The following COBL variants were observed in gnomAD, a reference collection of about 807,000 sequenced individuals.
COBL encodes the protein cordon-bleu WH2 repeat protein, also known as protein cordon-bleu.
A neutral mutation model predicts 98.8 loss-of-function variants in COBL; 51 were observed. The ratio of observed to expected loss-of-function variants is 0.52; its 90% CI spans 0.41 to 0.65. COBL has a LOEUF of 0.65. Among genes scored for constraint, COBL ranks in the 30% least tolerant of loss-of-function variants. The pLI is 0.00. For synonymous variants in COBL, 634 were observed against 651.7 expected (o/e 0.97, Z 0.41); for missense variants, 1,617 against 1,617.5 (o/e 1.00, Z 0.01).
chr7:51,018,663 C>T (rs558814990), intron 12 of COBL, among the ~76,000 whole-genome samples: 114 of 151,610 alleles, frequency 7.5e-4, no homozygotes, highest in African/African-American at 2.5e-3. Context: ...GAGGCCAAGG[C>T]GGGCAGATCA....
intron 8 of COBL, chr7:51,034,912 G>A (rs1273902411): frequency 1.3e-5 from 2 of 152,240 alleles, no homozygotes. Flanking sequence ...CAGGCTGCAT[G>A]TGTTGAATAA....
At chr7:51,070,573 A>G (rs1394643636) in intron 7 of COBL, among the ~76,000 whole-genome samples, 3 of 152,152 alleles carry the variant, frequency 2.0e-5, no homozygotes, top group Non-Finnish European at 2.9e-5. Context: ...TGGAAGATGC[A>G]CTCTTATCCC....
intron 7 of COBL, among the ~76,000 whole-genome samples, chr7:51,062,868 G>T (rs180968263): frequency 6.6e-6 from 1 of 152,256 alleles, no homozygotes; most frequent in East Asian, 1.9e-4. Context: ...CGTGGAGAGC[G>T]CTGGGGCACA....
intron 5 of COBL, among the ~76,000 whole-genome samples, chr7:51,140,264 T>A (rs557178040): frequency 6.6e-6 from 1 of 152,244 alleles, no homozygotes; most frequent in Admixed American, 6.5e-5. Context: ...CAATGGATAG[T>A]CGAATTCAAT....
At chr7:51,030,382 T>C (rs1437157518) in intron 9 of COBL, among the ~76,000 whole-genome samples, 2 of 152,210 alleles carry the variant, frequency 1.3e-5, no homozygotes, top group Non-Finnish European at 2.9e-5. Context: ...ATAATAGCAG[T>C]GCCATGAGAT....
intron 1 of COBL, among the ~76,000 whole-genome samples, chr7:51,292,437 G>C (rs1393274519): frequency 6.6e-6 from 1 of 152,154 alleles, no homozygotes; most frequent in Non-Finnish European, 1.5e-5. Context: ...GACTGATAAA[G>C]ACATTAAAAA....
chr7:51,133,780 C>T (rs1431933680), intron 6 of COBL, among the ~76,000 whole-genome samples: 2 of 152,124 alleles, frequency 1.3e-5, no homozygotes, highest in African/African-American at 4.8e-5. Context: ...CAAAAAATAC[C>T]TTTAGAAATA....
rs140607986 is a variant in COBL at position 51,229,829 on chromosome 7, G to A, written c.42-9885C>T. 2.1e-3 allele frequency among the ~76,000 whole-genome samples: 313 copies of A among 152,208 alleles called. 1 individual carries two copies. The highest frequency in any genetic ancestry group is 7.1e-3 in the African/African-American group (293 of 41,540). ...CATTGTCCCAGGACTACAAAGACAC[G>A]GCCAAACTGCTCAATATGTGCAGAT... On this transcript the variant is annotated intron_variant, in intron 1 of 12. Coordinates refer to ENST00000265136, the MANE Select transcript of COBL (RefSeq NM_015198.5).
intron 1 of COBL, among the ~76,000 whole-genome samples, chr7:51,234,538 G>A (rs578139971): frequency 1.1e-4 from 16 of 151,966 alleles, no homozygotes; most frequent in South Asian, 2.1e-4. Context: ...CCCTCTCTAC[G>A]AAAAATACAA....
chr7:51,021,268 T>C (rs1452771974), intron 12 of COBL: 1 of 152,224 alleles, frequency 6.6e-6, no homozygotes, highest in Non-Finnish European at 1.5e-5. Flanking sequence ...CCCCTGAATT[T>C]ATTGTATTTT....
At chr7:51,313,703 G>A (rs1346818096) in intron 1 of COBL, among the ~76,000 whole-genome samples, 2 of 152,220 alleles carry the variant, frequency 1.3e-5, no homozygotes, top group Non-Finnish European at 2.9e-5. Context: ...TATTAACAGA[G>A]GGTCCAATGG....
chr7:51,296,420 C>T (rs569454676), intron 1 of COBL, among the ~76,000 whole-genome samples: 1 of 151,832 alleles, frequency 6.6e-6, no homozygotes, highest in South Asian at 2.1e-4. Flanking sequence ...TAAATGAAGG[C>T]GTGCAATATT....
chr7:51,123,655 T>C (rs1797940730), intron 6 of COBL, among the ~76,000 whole-genome samples: 1 of 152,222 alleles, frequency 6.6e-6, no homozygotes, highest in African/African-American at 2.4e-5. Flanking sequence ...AGAAGATGCA[T>C]ACAATTGTTT....
At chr7:51,044,430 G>C (rs1789503504) in intron 7 of COBL, among the ~76,000 whole-genome samples, 1 of 152,148 alleles carries the variant, frequency 6.6e-6, no homozygotes, top group African/African-American at 2.4e-5. Context: ...GTAATGGGAG[G>C]TCATTATTTT....
chr7:51,128,945 G>T (rs528879181), intron 6 of COBL, among the ~76,000 whole-genome samples: 5 of 152,218 alleles, frequency 3.3e-5, no homozygotes, highest in Middle Eastern at 3.2e-3. Flanking sequence ...AAATAAGATC[G>T]TTCTCTAGCT....
intron 7 of COBL, among the ~76,000 whole-genome samples, chr7:51,082,887 G>C (rs1357708146): frequency 6.6e-6 from 1 of 152,174 alleles, no homozygotes; most frequent in Admixed American, 6.5e-5. Context: ...TCCAGAGTGT[G>C]TTCTCTGTGA....
chr7:51,090,660 C>T (rs1794724245), intron 6 of COBL, among the ~76,000 whole-genome samples: 1 of 152,196 alleles, frequency 6.6e-6, no homozygotes, highest in South Asian at 2.1e-4. Context: ...CAAAGGCCAG[C>T]ACAGCTCAGT....
intron 2 of COBL, among the ~76,000 whole-genome samples, chr7:51,194,103 C>T (rs986810866): frequency 2.0e-5 from 3 of 152,230 alleles, no homozygotes; most frequent in Non-Finnish European, 1.5e-5. Flanking sequence ...TTCCCTCCTC[C>T]CACCCTCCAT....
intron 2 of COBL, among the ~76,000 whole-genome samples, chr7:51,207,948 C>T (rs369718009): frequency 2.5e-4 from 37 of 146,232 alleles, no homozygotes; most frequent in Non-Finnish European, 3.5e-4. Flanking sequence ...AAGTGAGGAG[C>T]GTCTCTGCCT....
Sources: gnomAD v4.1 joint callset for allele counts (sites outside exome capture counted in the v4.1 genomes callset) on GRCh38, gnomAD v4.1.1 for gene constraint, MANE v1.5 for transcripts, NCBI Gene and HGNC (gene_info 2026-07-23, HGNC 2026-07-21) for gene names.